ULK4: variants seen among roughly 807,000 people sequenced by gnomAD.
The protein encoded by ULK4 is inactive serine/threonine-protein kinase ULK4.
Under a neutral mutation model 160.6 loss-of-function variants are expected in ULK4, and 133 were observed. That is an observed-to-expected ratio of 0.83 (90% CI 0.72 to 0.96). The LOEUF is 0.96. Among genes scored for constraint, ULK4 ranks in the 40% least tolerant of loss-of-function variants. The pLI, the probability that ULK4 is intolerant of heterozygous loss-of-function variation, is 0.00. For synonymous variants in ULK4, 534 were observed against 539.8 expected, an observed-to-expected ratio of 0.99 and a Z score of 0.15; for missense variants, 1,580 against 1,499.5, an observed-to-expected ratio of 1.05 and a Z score of -0.89.
rs372108147 is a variant in ULK4 at position 41,615,715 on chromosome 3, A to G, written c.3074T>C (p.Leu1025Pro). 1 of 1,612,686 alleles carries G rather than the reference A, an allele frequency of 6.2e-7. No individual in the cohort carries two copies. Among genetic ancestry groups the G allele is most frequent in the Non-Finnish European group, 8.5e-7 (1 of 1,179,256 alleles). ...MTEHNPTFTR[L>P]VEESKLIPLI... The stretch of plus-strand genomic sequence containing the variant: ...TGGGATCAGTTTGCTTTCTTCCACA[A>G]GTCTGTTAAAAACAAGAAAAAAAGA... The change falls in exon 31 of 37, where the codon CTT (leucine) becomes CCT (proline). Residue 1025 changes from leucine to proline, a missense_variant and splice_region_variant. Physicochemically the swap from Leu to Pro is moderately conservative, Grantham distance 98. Coordinates refer to ENST00000301831, the MANE Select transcript of ULK4 (RefSeq NM_017886.4).
chr3:41,957,557 C>T (rs974822501), intron 1 of ULK4, among the ~76,000 whole-genome samples: 2 of 150,276 alleles, frequency 1.3e-5, no homozygotes, highest in African/African-American at 2.4e-5. Context: ...CATATCAAAA[C>T]AGCACATTGG....
intron 35 of ULK4, among the ~76,000 whole-genome samples, chr3:41,274,906 T>C (rs2079203257): frequency 6.6e-6 from 1 of 152,176 alleles, no homozygotes; most frequent in Non-Finnish European, 1.5e-5. Flanking sequence ...GATGCCTCCA[T>C]GACAGCTACC....
intron 32 of ULK4, among the ~76,000 whole-genome samples, chr3:41,538,654 T>C (rs2086593459): frequency 6.6e-6 from 1 of 152,142 alleles, no homozygotes. Context: ...GGGAGATGAT[T>C]AACATCACAA....
intron 17 of ULK4, among the ~76,000 whole-genome samples, chr3:41,876,658 C>T (rs888662722): frequency 6.6e-6 from 1 of 152,134 alleles, no homozygotes; most frequent in African/African-American, 2.4e-5. Flanking sequence ...ATGCCCATCA[C>T]CAGTGATGTA....
intron 29 of ULK4, among the ~76,000 whole-genome samples, chr3:41,674,743 G>C (rs2035650617): frequency 6.6e-6 from 1 of 152,148 alleles, no homozygotes; most frequent in South Asian, 2.1e-4. Flanking sequence ...GAGAGTCAAT[G>C]CATGACACGG....
At chr3:41,659,136 G>A (rs539839075) in intron 30 of ULK4, among the ~76,000 whole-genome samples, 1 of 152,146 alleles carries the variant, frequency 6.6e-6, no homozygotes, top group Admixed American at 6.5e-5. Context: ...TGACACCCGA[G>A]GCCTCTTGAA....
intron 30 of ULK4, among the ~76,000 whole-genome samples, chr3:41,645,107 G>A (rs139875843): frequency 0.11 from 17,028 of 151,962 alleles, 1,087 homozygotes; most frequent in South Asian, 0.16. Flanking sequence ...AGTCTTGCCA[G>A]GGGTCTATCA....
At chr3:41,577,885 A>C (rs1318802496) in intron 31 of ULK4, among the ~76,000 whole-genome samples, 3 of 152,218 alleles carry the variant, frequency 2.0e-5, no homozygotes, top group African/African-American at 7.2e-5. Flanking sequence ...TCAAGGATGT[A>C]ACTTTAAAAC....
intron 2 of ULK4, among the ~76,000 whole-genome samples, chr3:41,953,249 CACAT>C (rs1397913261): frequency 7.1e-6 from 1 of 140,190 alleles, no homozygotes; most frequent in African/African-American, 2.6e-5. Flanking sequence ...CATATATATA[CACAT>C]ACATATATAT....
At chr3:41,531,354 T>C (rs1201282043) in intron 32 of ULK4, among the ~76,000 whole-genome samples, 1 of 137,222 alleles carries the variant, frequency 7.3e-6, no homozygotes, top group Non-Finnish European at 1.5e-5. Context: ...GGCAGGAGAA[T>C]GGCGTGAACC....
chr3:41,257,098 T>C (rs1608727), intron 35 of ULK4, among the ~76,000 whole-genome samples: 62 of 152,204 alleles, frequency 4.1e-4, no homozygotes, highest in African/African-American at 1.5e-3. Context: ...AAAATCTGAA[T>C]AGACACATCA....
intron 22 of ULK4, among the ~76,000 whole-genome samples, chr3:41,737,418 T>C (rs1006134046): frequency 2.6e-5 from 4 of 151,738 alleles, no homozygotes; most frequent in Admixed American, 6.6e-5. Flanking sequence ...AGAATCAATA[T>C]CATGAAAATG....
At chr3:41,682,891 T>C (rs1470741567) in intron 27 of ULK4, among the ~76,000 whole-genome samples, 1 of 152,204 alleles carries the variant, frequency 6.6e-6, no homozygotes, top group Admixed American at 6.5e-5. Context: ...AAAGGTTGAA[T>C]AGTGTATATC....
At chr3:41,913,170 G>A (rs1260800832) in intron 8 of ULK4, 1 of 273,614 alleles carries the variant, frequency 3.7e-6, no homozygotes, top group South Asian at 1.3e-4. Context: ...CATAGAGTCT[G>A]GTTTCTCCAA....
intron 3 of ULK4, 142 bp from the exon 4 acceptor site, chr3:41,936,082 T>C: frequency 9.3e-7 from 1 of 1,076,882 alleles, no homozygotes; most frequent in Non-Finnish European, 1.3e-6. Flanking sequence ...AACACACATG[T>C]GAGTAAATAC....
chr3:41,693,086 C>A (rs1302506661), intron 27 of ULK4, among the ~76,000 whole-genome samples: 1 of 151,952 alleles, frequency 6.6e-6, no homozygotes, highest in Non-Finnish European at 1.5e-5. Flanking sequence ...TTATTGTTGC[C>A]CAAGATGATG....
intron 22 of ULK4, among the ~76,000 whole-genome samples, chr3:41,750,481 A>G (rs1442957915): frequency 6.6e-6 from 1 of 151,942 alleles, no homozygotes; most frequent in Non-Finnish European, 1.5e-5. Context: ...CATATTTCTT[A>G]CTGTTTCCTC....
At chr3:41,340,465 T>C (rs548007133) in intron 35 of ULK4, among the ~76,000 whole-genome samples, 14 of 152,384 alleles carry the variant, frequency 9.2e-5, no homozygotes, top group Middle Eastern at 3.4e-3. Context: ...TTTGCATTCA[T>C]TCATTTGTTC....
intron 35 of ULK4, among the ~76,000 whole-genome samples, chr3:41,341,913 T>C (rs1386428856): frequency 6.6e-6 from 1 of 152,206 alleles, no homozygotes; most frequent in Non-Finnish European, 1.5e-5. Flanking sequence ...ATCTATAAAA[T>C]GGTCTCACAA....
Sources: gnomAD v4.1 joint callset for allele counts (sites outside exome capture counted in the v4.1 genomes callset) on GRCh38, gnomAD v4.1.1 for gene constraint, MANE v1.5 for transcripts, NCBI Gene and HGNC (gene_info 2026-07-23, HGNC 2026-07-21) for gene names.